Variants in VPS13D observed in about 807,000 individuals in gnomAD.
VPS13D encodes the protein vacuolar protein sorting 13 homolog D, also known as intermembrane lipid transfer protein VPS13D.
Under a neutral mutation model 461.9 loss-of-function variants are expected in VPS13D, and 187 were observed. That is an observed-to-expected ratio of 0.40 (90% CI 0.36 to 0.46). The LOEUF (loss-of-function observed/expected upper bound fraction) is 0.46. Among genes scored for constraint, VPS13D ranks in the 20% least tolerant of loss-of-function variants. VPS13D has a pLI of 0.60. For synonymous variants in VPS13D, 1,951 were observed against 1,986.3 expected (o/e 0.98, Z 0.47); for missense variants, 4,711 against 5,364.9 (o/e 0.88, Z 3.81).
rs1227144455 is a variant in VPS13D, at chr1:12,282,803, C to T, written c.4701C>T (p.Ser1567=). 1 of 1,614,042 alleles carries T rather than the reference C, an allele frequency of 6.2e-7. No individual in the cohort carries two copies. Among genetic ancestry groups the T allele is most frequent in the East Asian group, 2.2e-5 (1 of 44,900 alleles). The change falls in exon 21 of 70, where the codon TCC becomes TCT. Residue 1567 remains serine, a synonymous_variant. Coordinates refer to ENST00000620676, the MANE Select transcript of VPS13D (RefSeq NM_015378.4). Reference sequence around the variant, plus strand: ...ATAAGTATCCAGCCAGTGCTACCTCCTCCCCTTGCCCTGATTCTCCTCTGC... The same window carrying T: ...ATAAGTATCCAGCCAGTGCTACCTCTTCCCCTTGCCCTGATTCTCCTCTGC... ...DLNKYPASAT[S]SPCPDSPLPP... is the part of the protein sequence containing the mutation.
At chr1:12,351,268 G>C (rs141229473) in intron 46 of VPS13D, among the ~76,000 whole-genome samples, 1,788 of 152,248 alleles carry the variant, frequency 0.012, 36 homozygotes, top group African/African-American at 0.04. Context: ...CCATGAAGAG[G>C]TGCAAATATC....
chr1:12,403,580 A>G (rs1330049378), intron 62 of VPS13D, among the ~76,000 whole-genome samples: 1 of 152,206 alleles, frequency 6.6e-6, no homozygotes, highest in Non-Finnish European at 1.5e-5. Flanking sequence ...CATCTGTTGG[A>G]TGGTATGGAG....
chr1:12,477,639 A>G (rs1024963601), intron 67 of VPS13D, among the ~76,000 whole-genome samples: 3 of 152,296 alleles, frequency 2.0e-5, no homozygotes, highest in Admixed American at 6.5e-5. Flanking sequence ...ATGAGAACAC[A>G]TGGATAGATT....
At chr1:12,285,289 TTTATTTA>T (rs1411593802) in intron 21 of VPS13D, among the ~76,000 whole-genome samples, 13 of 145,246 alleles carry the variant, frequency 9.0e-5, no homozygotes, top group African/African-American at 2.5e-4. Flanking sequence ...TATTTATTTA[TTTATTTA>T]TTTTTTTTTT....
chr1:12,460,485 T>G, intron 67 of VPS13D, 89 bp downstream of exon 67: 4 of 1,188,368 alleles, frequency 3.4e-6, no homozygotes, highest in Non-Finnish European at 4.4e-6. Context: ...AATTGTGCAC[T>G]TTCTTAGTTA....
At chr1:12,429,773 G>C (rs543318062) in intron 65 of VPS13D, among the ~76,000 whole-genome samples, 2 of 152,180 alleles carry the variant, frequency 1.3e-5, no homozygotes. Context: ...CACAGCAAGC[G>C]CTTAGCAGAT....
chr1:12,387,123 G>A (rs1644360183), intron 60 of VPS13D, among the ~76,000 whole-genome samples: 2 of 152,276 alleles, frequency 1.3e-5, no homozygotes, highest in East Asian at 1.9e-4. Context: ...GCCCACACAG[G>A]GCTAGGAATA....
At chr1:12,260,588 A>G (rs1641075817) in intron 10 of VPS13D, 105 bp from the exon 11 acceptor site, 1 of 867,756 alleles carries the variant, frequency 1.2e-6, no homozygotes, top group Admixed American at 2.0e-5. Context: ...AGGGGACCAG[A>G]GAGGTTTCTG....
At chr1:12,245,305 G>A (rs886981140) in intron 5 of VPS13D, among the ~76,000 whole-genome samples, 5 of 152,164 alleles carry the variant, frequency 3.3e-5, no homozygotes, top group African/African-American at 1.2e-4. Context: ...GAGGCCAAAT[G>A]TGTTCAATGT....
intron 44 of VPS13D, among the ~76,000 whole-genome samples, 169 bp downstream of exon 44, chr1:12,346,821 C>T (rs1643687148): frequency 6.6e-6 from 1 of 152,156 alleles, no homozygotes; most frequent in Non-Finnish European, 1.5e-5. Context: ...CAAAAACTTG[C>T]AAGAAAATGT....
Position 12,322,553 on chromosome 1 carries a change from G to C in VPS13D, c.7722G>C (p.Leu2574=), listed in dbSNP as rs746257631. 3.0e-5 allele frequency: 49 copies of C among 1,614,028 alleles called. No homozygotes were observed. The highest frequency in any genetic ancestry group is 4.2e-5 in the Non-Finnish European group (49 of 1,180,032). The change falls in exon 34 of 70, where the codon CTG becomes CTC. Residue 2574 remains leucine (L), a synonymous_variant. Transcript: ENST00000620676. ...PPVLEIQLQA[L]DIRLSYNDVQ... ...TTTGTTAGATTCAGTTACAAGCCCTGGATATCAGACTCTCCTATAATGATG... is the reference window on the plus strand; with the variant it reads ...TTTGTTAGATTCAGTTACAAGCCCTCGATATCAGACTCTCCTATAATGATG...
chr1:12,366,733 T>A (rs1043546267), intron 52 of VPS13D, among the ~76,000 whole-genome samples: 1 of 152,210 alleles, frequency 6.6e-6, no homozygotes, highest in East Asian at 1.9e-4. Flanking sequence ...ATTTAAACTA[T>A]AGGAAAGTTA....
chr1:12,462,089 GA>G (rs1437768739), intron 67 of VPS13D, among the ~76,000 whole-genome samples: 1 of 152,180 alleles, frequency 6.6e-6, no homozygotes, highest in Non-Finnish European at 1.5e-5. Context: ...TCAGGGTTGG[GA>G]ATAGCAGAAA....
chr1:12,263,645 G>A (rs995277138), intron 13 of VPS13D, among the ~76,000 whole-genome samples: 5 of 151,974 alleles, frequency 3.3e-5, no homozygotes, highest in South Asian at 2.1e-4. Context: ...TTTTTATTTC[G>A]GTCCATAAAA....
In VPS13D at chr1:12,276,075, A is replaced by T. The variant is rs372331650; in HGVS notation, c.2487A>T (p.Gly829=). 1.2e-6 allele frequency: 2 copies of T among 1,614,158 alleles called. No individual in the cohort carries two copies. The highest frequency in any genetic ancestry group is 1.3e-5 in the African/African-American group (1 of 75,036). Reference sequence around the variant, plus strand: ...TTATGGACCTCCAGATCATGGTTGGACGAGTGAAAGACAATTGGAAGCATG... The same window carrying T: ...TTATGGACCTCCAGATCATGGTTGGTCGAGTGAAAGACAATTGGAAGCATG... ...LSFMDLQIMV[G]RVKDNWKHVQ... Residue 829 remains glycine, a synonymous_variant, in exon 19 of 70, where the codon GGA becomes GGT. Transcript: ENST00000620676. The surrounding 1 kb of genome is among the most constrained non-coding windows in gnomAD (Gnocchi z 4.5).
intron 63 of VPS13D, among the ~76,000 whole-genome samples, chr1:12,413,920 A>G (rs368422534): frequency 3.9e-5 from 6 of 152,172 alleles, no homozygotes; most frequent in African/African-American, 9.7e-5. Context: ...AAGATTGTGC[A>G]TGTACATTCT....
chr1:12,331,362 A>G (rs1379358113), intron 37 of VPS13D, among the ~76,000 whole-genome samples: 1 of 152,100 alleles, frequency 6.6e-6, no homozygotes. Flanking sequence ...ATTTAATTTT[A>G]TGTTAGTTAA....
intron 10 of VPS13D, among the ~76,000 whole-genome samples, chr1:12,258,806 A>G (rs1641005369): frequency 6.6e-6 from 1 of 152,212 alleles, no homozygotes; most frequent in African/African-American, 2.4e-5. Context: ...CTTGTTTAGT[A>G]GACTCTTCTA....
chr1:12,256,900 T>G, intron 8 of VPS13D, 87 bp from the exon 9 acceptor site: 5 of 1,391,692 alleles, frequency 3.6e-6, no homozygotes, highest in Non-Finnish European at 5.0e-6. Context: ...TCAACTAATG[T>G]GAATTGTTCT....
Sources: allele counts gnomAD v4.1 joint callset (sites outside exome capture counted in the v4.1 genomes callset), GRCh38; gene constraint gnomAD v4.1.1; non-coding constraint Gnocchi (gnomAD v3.1); transcripts MANE v1.5; gene names NCBI Gene and HGNC (gene_info 2026-07-23, HGNC 2026-07-21).